Variants in ANKRD12 observed in about 807,000 individuals in gnomAD.
ANKRD12 encodes the protein ankyrin repeat domain 12.
Under a neutral mutation model 183.4 loss-of-function variants are expected in ANKRD12, and 85 were observed. That is an observed-to-expected ratio of 0.46 (90% CI 0.39 to 0.56). ANKRD12 has a LOEUF of 0.56. ANKRD12 is among the 20% of genes least tolerant of loss of function. The pLI is 0.00. For missense variants in ANKRD12, 2,405 were observed against 2,357.1 expected, an observed-to-expected ratio of 1.02 and a Z score of -0.42; for synonymous variants, 914 against 800.2, an observed-to-expected ratio of 1.14 and a Z score of -2.40.
rs2038538033 is a variant in ANKRD12, at chr18:9,255,309, G to C, written c.2042G>C (p.Ser681Thr). 2 of 1,591,514 alleles carry C rather than the reference G, an allele frequency of 1.3e-6. No individual in the cohort carries two copies. Among genetic ancestry groups the C allele is most frequent in the South Asian group, 2.3e-5 (2 of 85,322 alleles). The change falls in exon 9 of 13, where the codon AGT (serine) becomes ACT (threonine). Residue 681 changes from serine to threonine, a missense_variant. Around this residue, in one of 7 missense-constraint regions of ANKRD12, gnomAD observed 1,983 missense variants for 1,725.9 expected, o/e 1.15. Coordinates refer to ENST00000262126, the MANE Select transcript of ANKRD12 (RefSeq NM_015208.5). ...GEKEKYKTKD[S>T]AKELQRSVEF... ...AAGGAAAAATACAAAACTAAGGATA[G>C]TGCCAAAGAACTGCAGAGGAGTGTG... is the stretch of plus-strand genomic sequence containing the variant.
At chr18:9,265,706 C>G (rs1427383411) in intron 10 of ANKRD12, among the ~76,000 whole-genome samples, 1 of 152,148 alleles carries the variant, frequency 6.6e-6, no homozygotes, top group Non-Finnish European at 1.5e-5. Context: ...AACTAAAAAT[C>G]AGAGCGCCTC....
intron 8 of ANKRD12, among the ~76,000 whole-genome samples, chr18:9,236,716 ATAT>A (rs1228923688): frequency 2.0e-5 from 3 of 152,216 alleles, no homozygotes; most frequent in African/African-American, 7.2e-5. Context: ...AAGATAGATA[ATAT>A]TTATGCAAAT....
Position 9,256,553 on chromosome 18 carries a change from A to G in ANKRD12, c.3286A>G (p.Lys1096Glu). The G allele has an allele frequency of 6.3e-7, 1 of 1,597,806 alleles. No homozygotes were observed. The highest frequency in any genetic ancestry group is 8.5e-7 in the Non-Finnish European group (1 of 1,176,238). ...LKDLEIEQWH[K>E]KHKEKIKQKE... ...AGACCTAGAAATAGAACAGTGGCAC[A>G]AAAAACATAAGGAAAAAATTAAGCA... Residue 1096 changes from lysine to glutamate, a missense_variant, in exon 9 of 13, where the codon AAA becomes GAA. Around this residue, in one of 7 missense-constraint regions of ANKRD12, gnomAD observed 1,983 missense variants for 1,725.9 expected, o/e 1.15. Coordinates refer to ENST00000262126, the MANE Select transcript of ANKRD12 (RefSeq NM_015208.5).
chr18:9,244,665 T>A (rs2037853660), intron 8 of ANKRD12, among the ~76,000 whole-genome samples: 1 of 152,132 alleles, frequency 6.6e-6, no homozygotes, highest in Admixed American at 6.5e-5. Flanking sequence ...TATGATGGCA[T>A]TTTGTGCTGA....
chr18:9,255,877 G>C lies in ANKRD12; in HGVS notation c.2610G>C (p.Lys870Asn). ...LSECVDKIKE[K>N]DKLYSHHTEK... is the part of the protein sequence containing the mutation. ...AATGTGTTGATAAAATAAAAGAAAA[G>C]GACAAGCTATATTCGCATCACACAG... is the stretch of plus-strand genomic sequence containing the variant. Residue 870 changes from lysine to asparagine, a missense_variant, in exon 9 of 13, where the codon AAG (lysine) becomes AAC (asparagine). Transcript: ENST00000262126. The C allele has an allele frequency of 1.9e-6, 3 of 1,593,638 alleles. No homozygotes were observed. The South Asian group carries it at 3.5e-5, about 19-fold the overall frequency.
chr18:9,255,114 T>C lies in ANKRD12; in HGVS notation c.1847T>C (p.Phe616Ser), dbSNP rs1049011478. The C allele has an allele frequency of 5.1e-6, 8 of 1,579,116 alleles. No homozygotes were observed. The African/African-American group carries it at 6.9e-5, about 14-fold the overall frequency. ...SKHQKDFHLEFGEKSNAKIKD... is the reference protein window; with the variant it reads ...SKHQKDFHLESGEKSNAKIKD... The stretch of plus-strand genomic sequence containing the variant: ...CATCAGAAAGATTTCCACTTAGAAT[T>C]TGGTGAAAAATCAAATGCCAAAATA... The change falls in exon 9 of 13, where the codon TTT (phenylalanine) becomes TCT (serine). Residue 616 changes from phenylalanine (F) to serine (S), a missense_variant. Phe to Ser is a radical substitution (Grantham distance 155). This residue lies in a region of ANKRD12 where 1,983 missense variants were observed against 1,725.9 expected (regional missense o/e 1.15). Transcript: ENST00000262126.
At chr18:9,156,485 G>C (rs370893974) in intron 1 of ANKRD12, among the ~76,000 whole-genome samples, 18 of 152,296 alleles carry the variant, frequency 1.2e-4, no homozygotes, top group South Asian at 4.1e-4. Context: ...AAAGGAGTAA[G>C]AGTGTGGTTT....
At chr18:9,160,484 C>T (rs530955566) in intron 1 of ANKRD12, among the ~76,000 whole-genome samples, 2 of 152,180 alleles carry the variant, frequency 1.3e-5, no homozygotes, top group Non-Finnish European at 2.9e-5. Flanking sequence ...ATTGCCACTG[C>T]CTGATTCCAG....
At chr18:9,209,913 C>G (rs771566529) in intron 5 of ANKRD12, among the ~76,000 whole-genome samples, 4 of 152,136 alleles carry the variant, frequency 2.6e-5, no homozygotes, top group Non-Finnish European at 5.9e-5. Context: ...CACCTCCCCT[C>G]AAGAGGTGAC....
chr18:9,268,452 C>T (rs1473892127), intron 10 of ANKRD12, among the ~76,000 whole-genome samples: 1 of 152,220 alleles, frequency 6.6e-6, no homozygotes, highest in African/African-American at 2.4e-5. Context: ...CCCTGGGATG[C>T]AAGGCTGGTT....
Position 9,258,804 on chromosome 18 carries a change from TAGA to T in ANKRD12, c.5542_5544del (p.Glu1848del). On this transcript the variant is annotated inframe_deletion, in exon 9 of 13. Coordinates refer to ENST00000262126, the MANE Select transcript of ANKRD12 (RefSeq NM_015208.5). ...GAATACTTGCACATAAGGAAAAAAA[TAGA>T]AGAAAAACGCAAATTACTGTGTAGT... The T allele has an allele frequency of 6.2e-7, 1 of 1,613,688 alleles. No individual in the cohort carries two copies. Among genetic ancestry groups the T allele is most frequent in the Non-Finnish European group, 8.5e-7 (1 of 1,179,798 alleles).
chr18:9,208,164 C>T (rs2035589954), intron 4 of ANKRD12, among the ~76,000 whole-genome samples: 1 of 151,964 alleles, frequency 6.6e-6, no homozygotes, highest in Admixed American at 6.6e-5. Context: ...TACTTTTTTT[C>T]GATAGTTGTT....
chr18:9,256,063 GA>G lies in ANKRD12; in HGVS notation c.2804del (p.Asn935IlefsTer24), dbSNP rs868780344. ...AAAGCAAAGAAAAGCACTTGATGGA[GA>G]AAAAAAATAAACAATCAGATAATAG... The part of the protein sequence containing the change: ...AESKEKHLME[K>X]KNKQSDNSEY... On this transcript the variant is annotated frameshift_variant, in exon 9 of 13. Transcript: ENST00000262126. LOFTEE classifies it high-confidence loss of function. 1.4e-5 allele frequency: 21 copies of G among 1,549,458 alleles called. No homozygotes were observed. The highest frequency in any genetic ancestry group is 1.3e-4 in the Admixed American group (6 of 45,804).
At chr18:9,166,193 G>C (rs1030058166) in intron 1 of ANKRD12, among the ~76,000 whole-genome samples, 2 of 152,134 alleles carry the variant, frequency 1.3e-5, no homozygotes, top group African/African-American at 4.8e-5. Context: ...GTGTGCATGT[G>C]TCTTTATAGC....
intron 9 of ANKRD12, among the ~76,000 whole-genome samples, chr18:9,261,287 G>A (rs1296001318): frequency 6.6e-6 from 1 of 152,122 alleles, no homozygotes. Context: ...GTGCAAATGG[G>A]GGAGGCTTTC....
At chr18:9,179,692 T>C (rs1000884846) in intron 1 of ANKRD12, among the ~76,000 whole-genome samples, 3 of 152,080 alleles carry the variant, frequency 2.0e-5, no homozygotes, top group African/African-American at 7.2e-5. Context: ...ATTTTTGTAT[T>C]TTTAGTAGAA....
chr18:9,240,093 A>T (rs1304630819), intron 8 of ANKRD12, among the ~76,000 whole-genome samples: 1 of 152,182 alleles, frequency 6.6e-6, no homozygotes, highest in East Asian at 1.9e-4. Context: ...ATTGATTTCC[A>T]TGTTTGGTAC....
In ANKRD12 at chr18:9,139,966, C is replaced by T. The variant is rs190665943; in HGVS notation, c.-52+3001C>T. Among the ~76,000 whole-genome samples the T allele has an allele frequency of 2.0e-5, 3 of 152,198 alleles. No individual in the cohort carries two copies. The East Asian group carries it at 5.8e-4, about 29-fold the overall frequency. Reference sequence around the variant, plus strand: ...TTTGCCTCTTTCTTTAGAAGTTTTACGGAGTTGTGGAAAGAACATTGAAAT... The same window carrying T: ...TTTGCCTCTTTCTTTAGAAGTTTTATGGAGTTGTGGAAAGAACATTGAAAT... On this transcript the variant is annotated intron_variant, in intron 1 of 12. Transcript: ENST00000262126.
chr18:9,213,499 A>G (rs897063288), intron 6 of ANKRD12, among the ~76,000 whole-genome samples: 4 of 152,090 alleles, frequency 2.6e-5, no homozygotes, highest in African/African-American at 7.2e-5. Flanking sequence ...ATCCTTAGTA[A>G]TAGGAACTCG....
Sources: gnomAD v4.1 joint callset for allele counts (sites outside exome capture counted in the v4.1 genomes callset) on GRCh38, gnomAD v4.1.1 for gene constraint, gnomAD v4.1.1 regional missense constraint, MANE v1.5 for transcripts, NCBI Gene and HGNC (gene_info 2026-07-23, HGNC 2026-07-21) for gene names.